Variants in RFX1 observed in about 807,000 individuals in gnomAD.
The protein encoded by RFX1 is MHC class II regulatory factor RFX1.
Under a neutral mutation model 119.6 loss-of-function variants are expected in RFX1, and 42 were observed. That is an observed-to-expected ratio of 0.35 (90% CI 0.27 to 0.45). The LOEUF is 0.45. Ranked by LOEUF, RFX1 falls within the 20% of genes least tolerant of loss-of-function variation. The pLI is 1.00. For missense variants in RFX1, 1,118 were observed against 1,368.1 expected (o/e 0.82, Z 2.88); for synonymous variants, 628 against 618.5 (o/e 1.02, Z -0.23).
chr19:13,977,840 C>T, intron 8 of RFX1, 152 bp downstream of exon 8: 1 of 578,016 alleles, frequency 1.7e-6, no homozygotes, highest in Non-Finnish European at 3.0e-6. Flanking sequence ...CTGTGGCTGC[C>T]CCTGGGGAGT....
rs79298940 is a variant in RFX1, at chr19:13,974,579, G to A, written c.930-1452C>T. On this transcript the variant is annotated intron_variant, in intron 8 of 20. Coordinates refer to ENST00000254325, the MANE Select transcript of RFX1 (RefSeq NM_002918.5). ...TAAGAGGCAGAGAAGAGTGGGGACC[G>A]TGTGACCGAACAATAGGGAAGAATG... is the stretch of plus-strand genomic sequence containing the variant. Among the ~76,000 whole-genome samples, 802 of 152,238 alleles carry A rather than the reference G, an allele frequency of 5.3e-3. 11 individuals carry two copies. The highest frequency in any genetic ancestry group is 0.018 in the African/African-American group (749 of 41,538).
In RFX1 at chr19:13,962,823, G is replaced by A. The variant is rs201695501; in HGVS notation, c.2812C>T (p.Pro938Ser). The stretch of plus-strand genomic sequence containing the variant: ...CCAGCCGCCAGTGAGATGTCCTGCG[G>A]CAGCTCGTCCTCGCTCTCCTCCTCC... ...EEEEESEDEL[P>S]QDISLAAGGE... Residue 938 changes from proline (P) to serine (S), a missense_variant, in exon 21 of 21, where the codon CCG (proline) becomes TCG (serine). Around this residue, in one of 5 missense-constraint regions of RFX1, gnomAD observed 138 missense variants for 117.8 expected, o/e 1.17. Coordinates refer to ENST00000254325, the MANE Select transcript of RFX1 (RefSeq NM_002918.5). The A allele has an allele frequency of 1.3e-6, 2 of 1,529,624 alleles. No homozygotes were observed. Among genetic ancestry groups the A allele is most frequent in the African/African-American group, 2.7e-5 (2 of 72,904 alleles). 94.8% of individuals were successfully genotyped at this position (1,529,624 alleles called of 1,614,324 possible). A position where few individuals can be genotyped will look rare whatever the true frequency, so the allele number is the denominator to read the frequency against.
chr19:13,978,000 G>T lies in RFX1; in HGVS notation c.921C>A (p.Ala307=), dbSNP rs751375421. The part of the protein sequence containing the change: ...YVEGGDASYT[A]SAIRSSTYSY... ...CCTCTCCCTTCACTTACATGGCACTGGCCGTGTAGCTGGCATCGCCGCCCT... is the reference window on the plus strand; with the variant it reads ...CCTCTCCCTTCACTTACATGGCACTTGCCGTGTAGCTGGCATCGCCGCCCT... The change falls in exon 8 of 21, where the codon GCC becomes GCA. Residue 307 remains alanine (A), a synonymous_variant. Transcript: ENST00000254325. 6.2e-7 allele frequency: 1 copy of T among 1,611,328 alleles called. No individual in the cohort carries two copies. The highest frequency in any genetic ancestry group is 2.2e-5 in the East Asian group (1 of 44,828).
rs1218679554 is a variant in RFX1 at position 13,990,626 on chromosome 19, G to C, written c.319+2899C>G. ...AGGTCAGGAGATCAAGACCATCCTG[G>C]CTAACACAGTGAAACCCCGTCTCTA... On this transcript the variant is annotated intron_variant, in intron 2 of 20. Transcript: ENST00000254325. This position sits in a 1 kb window ranked among gnomAD's most constrained non-coding sequence, Gnocchi z 4.1. Among the ~76,000 whole-genome samples the C allele has an allele frequency of 6.6e-6, 1 of 152,006 alleles. No individual in the cohort carries two copies. The highest frequency in any genetic ancestry group is 2.4e-5 in the African/African-American group (1 of 41,394).
At chr19:13,967,465 C>T (rs1973940669) in intron 12 of RFX1, among the ~76,000 whole-genome samples, 1 of 151,850 alleles carries the variant, frequency 6.6e-6, no homozygotes, top group Non-Finnish European at 1.5e-5. Context: ...ACGTGAGCCA[C>T]TGCACCCGGC....
intron 1 of RFX1, among the ~76,000 whole-genome samples, chr19:13,994,717 A>ATGTGTGTGTGTG (rs1363917481): frequency 9.2e-6 from 1 of 108,316 alleles, no homozygotes; most frequent in African/African-American, 3.5e-5. Flanking sequence ...GTCTAAATAT[A>ATGTGTGTGTGTG]TATGTGTGTG....
At chr19:13,996,896 G>C (rs537565149) in intron 1 of RFX1, among the ~76,000 whole-genome samples, 34 of 152,052 alleles carry the variant, frequency 2.2e-4, no homozygotes, top group African/African-American at 6.5e-4. Context: ...GCTAATTTTC[G>C]TGTTTTTAGT....
rs549807179 is a variant in RFX1 at position 13,986,233 on chromosome 19, T to C, written c.320-2638A>G. Among the ~76,000 whole-genome samples, 3 of 152,130 alleles carry C rather than the reference T, an allele frequency of 2.0e-5. No homozygotes were observed. Among genetic ancestry groups the C allele is most frequent in the Admixed American group, 1.3e-4 (2 of 15,296 alleles). On this transcript the variant is annotated intron_variant, in intron 2 of 20. Transcript: ENST00000254325. The surrounding 1 kb of genome is among the most constrained non-coding windows in gnomAD (Gnocchi z 4.2). ...TCAAGGTGGGCAGGGAGTGGGGGGC[T>C]GGCCCCCCACCCTCTCCAGGGCTCA...
chr19:14,000,442 G>A (rs981405970), intron 1 of RFX1, among the ~76,000 whole-genome samples: 1 of 151,880 alleles, frequency 6.6e-6, no homozygotes, highest in African/African-American at 2.4e-5. Context: ...AGCTGAGATT[G>A]TGCCACTGCA....
rs181300688 is a variant in RFX1, at chr19:13,972,648, T to C, written c.1314+95A>G. 6.4e-4 allele frequency: 574 copies of C among 897,564 alleles called. 5 individuals are homozygous for C. In the East Asian group the frequency reaches 0.015, roughly 23 times the overall value. The allele number at this position is 897,564 out of a possible 1,614,324, so 55.6% of individuals were successfully genotyped here. A position where few individuals can be genotyped will look rare whatever the true frequency, so the allele number is the denominator to read the frequency against. On this transcript the variant is annotated intron_variant, in intron 9 of 20. Transcript: ENST00000254325. ...CATTGGGGGCCACACAGGCTCCTGC[T>C]AGCGGTGGTTGGTAACCACCGTCAT...
intron 1 of RFX1, among the ~76,000 whole-genome samples, chr19:14,004,065 C>T (rs1238659466): frequency 2.6e-5 from 4 of 152,248 alleles, no homozygotes; most frequent in Middle Eastern, 3.4e-3. Context: ...TGTGCCACCA[C>T]GCCTGGCTAA....
At chr19:13,995,489 G>A (rs1974977522) in intron 1 of RFX1, among the ~76,000 whole-genome samples, 2 of 152,170 alleles carry the variant, frequency 1.3e-5, no homozygotes, top group African/African-American at 4.8e-5. Context: ...TCTGTGGCCA[G>A]GGGTGACAGG....
rs1419080141 is a variant in RFX1 at position 13,990,250 on chromosome 19, C to T, written c.319+3275G>A. 6.6e-6 allele frequency among the ~76,000 whole-genome samples: 1 copy of T among 152,068 alleles called. No homozygotes were observed. Among genetic ancestry groups the T allele is most frequent in the East Asian group, 1.9e-4 (1 of 5,170 alleles). ...AGGTCAGGGAGATGGGGAGAAGCAG[C>T]AGAGAGGACCACGGAGGGGCTGCGG... On this transcript the variant is annotated intron_variant, in intron 2 of 20. Coordinates refer to ENST00000254325, the MANE Select transcript of RFX1 (RefSeq NM_002918.5). This position sits in a 1 kb window ranked among gnomAD's most constrained non-coding sequence, Gnocchi z 4.1.
chr19:13,962,234 T>C lies in RFX1; in HGVS notation c.*461A>G, dbSNP rs1332212941. On this transcript the variant is annotated 3_prime_UTR_variant, in exon 21 of 21. Coordinates refer to ENST00000254325, the MANE Select transcript of RFX1 (RefSeq NM_002918.5). ...GGTGTCCCGGGGCTGCTGCTGACAGTGGGGAGTCCCCAGGTGACGCCCACC... is the reference window on the plus strand; with the variant it reads ...GGTGTCCCGGGGCTGCTGCTGACAGCGGGGAGTCCCCAGGTGACGCCCACC... 1.2e-5 allele frequency: 2 copies of C among 162,240 alleles called. No homozygotes were observed. Among genetic ancestry groups the C allele is most frequent in the African/African-American group, 2.4e-5 (1 of 41,626 alleles). The allele number at this position is 162,240 out of a possible 1,614,324, so 10.1% of individuals were successfully genotyped here.
chr19:13,984,025 C>T (rs970898268), intron 2 of RFX1, among the ~76,000 whole-genome samples: 1 of 152,020 alleles, frequency 6.6e-6, no homozygotes, highest in Non-Finnish European at 1.5e-5. Flanking sequence ...CCTGGCTTCC[C>T]GGGAGTGGAA....
intron 12 of RFX1, among the ~76,000 whole-genome samples, chr19:13,967,796 G>T (rs1025292632): frequency 2.6e-5 from 4 of 152,090 alleles, no homozygotes; most frequent in Non-Finnish European, 5.9e-5. Context: ...AGAAACACTG[G>T]GTACACACCT....
Position 13,984,526 on chromosome 19 carries a change from C to T in RFX1, c.320-931G>A, listed in dbSNP as rs8100889. On this transcript the variant is annotated intron_variant, in intron 2 of 20. Transcript: ENST00000254325. ...CATGCACATCTTGCTGAGTGATTAG[C>T]AGGGGTGCTGGGGGTAGAGGCGAGT... is the stretch of plus-strand genomic sequence containing the variant. Among the ~76,000 whole-genome samples the T allele has an allele frequency of 3.5e-3, 534 of 152,162 alleles. 3 individuals carry two copies. Among genetic ancestry groups the T allele is most frequent in the African/African-American group, 0.012 (511 of 41,514 alleles).
intron 2 of RFX1, among the ~76,000 whole-genome samples, chr19:13,989,860 G>C (rs1268212483): frequency 1.3e-5 from 1 of 75,180 alleles, no homozygotes; most frequent in East Asian, 3.8e-4. Flanking sequence ...AAGTGGAAGA[G>C]GCGGGGGGGG....
At position 13,980,901 on chromosome 19, in the gene RFX1, G is replaced by A. The variant is rs561096186; in HGVS notation, c.622-212C>T. Among the ~76,000 whole-genome samples, 1 of 152,302 alleles carries A rather than the reference G, an allele frequency of 6.6e-6. No individual in the cohort carries two copies. The highest frequency in any genetic ancestry group is 2.1e-4 in the South Asian group (1 of 4,826). ...GTCCCAGTCAACTCCCAGCAATGAT[G>A]GGGGTTTAACCCTCCCCAGCAAGGT... On this transcript the variant is annotated intron_variant, in intron 5 of 20. Coordinates refer to ENST00000254325, the MANE Select transcript of RFX1 (RefSeq NM_002918.5). This position sits in a 1 kb window ranked among gnomAD's most constrained non-coding sequence, Gnocchi z 5.1.
Sources: gnomAD v4.1 joint callset for allele counts (sites outside exome capture counted in the v4.1 genomes callset) on GRCh38, gnomAD v4.1.1 for gene constraint, gnomAD v4.1.1 regional missense constraint, Gnocchi (gnomAD v3.1) non-coding constraint, MANE v1.5 for transcripts, NCBI Gene and HGNC (gene_info 2026-07-23, HGNC 2026-07-21) for gene names.